The following GPLD1 variants were observed in gnomAD, a reference collection of about 807,000 sequenced individuals.
GPLD1 encodes the protein phosphatidylinositol-glycan-specific phospholipase D.
A neutral mutation model predicts 112.6 loss-of-function variants in GPLD1; 84 were observed. That is an observed-to-expected ratio of 0.75 (90% CI 0.63 to 0.89). GPLD1 has a LOEUF of 0.89. Ranked by LOEUF, GPLD1 falls within the 40% of genes least tolerant of loss-of-function variation. The pLI is 0.00. For missense variants in GPLD1, 1,044 were observed against 1,051.5 expected (o/e 0.99, Z 0.10); for synonymous variants, 386 against 403.8 (o/e 0.96, Z 0.53).
At chr6:24,491,463 C>T (rs1281583886), upstream of GPLD1, among the ~76,000 whole-genome samples, 1 of 152,154 alleles carries the variant, frequency 6.6e-6, no homozygotes, top group Non-Finnish European at 1.5e-5. Context: ...CTTTAGGAGG[C>T]CAAGGCGGGC....
chr6:24,475,061 G>C, intron 5 of GPLD1, 60 bp downstream of exon 5: 1 of 859,022 alleles, frequency 1.2e-6, no homozygotes, highest in Non-Finnish European at 2.0e-6. Flanking sequence ...GTCAGGTTTT[G>C]ATCTTAGGTG....
chr6:24,457,608 C>T (rs997058685), intron 12 of GPLD1, among the ~76,000 whole-genome samples: 15 of 152,002 alleles, frequency 9.9e-5, no homozygotes, highest in African/African-American at 3.6e-4. Context: ...ACCGGCCAGG[C>T]GTGGTGGCTC....
chr6:24,439,482 C>A (rs940008086), intron 20 of GPLD1, among the ~76,000 whole-genome samples: 1 of 152,124 alleles, frequency 6.6e-6, no homozygotes, highest in Non-Finnish European at 1.5e-5. Flanking sequence ...TCAATACTCC[C>A]AAATCTCTAA....
At chr6:24,480,078 G>A in intron 2 of GPLD1, 119 bp from the exon 3 acceptor site, 16 of 634,850 alleles carry the variant, frequency 2.5e-5, no homozygotes, top group Admixed American at 5.1e-5. Flanking sequence ...GGAATGAAAG[G>A]GAAAAAGGAA....
Position 24,440,328 on chromosome 6 carries a change from A to T in GPLD1, c.2021-3039T>A, listed in dbSNP as rs146573900. On this transcript the variant is annotated intron_variant, in intron 20 of 24. Transcript: ENST00000230036. ...TGTGGTGGCATGTGCCTGTAGTCTG[A>T]CCTACTCAAGAGGCTTGAGGCGGCA... Among the ~76,000 whole-genome samples the T allele has an allele frequency of 6.7e-3, 1,017 of 152,148 alleles. 15 individuals are homozygous for T. The highest frequency in any genetic ancestry group is 0.022 in the African/African-American group (914 of 41,540).
chr6:24,426,305 A>G lies in GPLD1; in HGVS notation c.*2727T>C, dbSNP rs903544806. 3.3e-5 allele frequency: 5 copies of G among 152,256 alleles called. No homozygotes were observed. Among genetic ancestry groups the G allele is most frequent in the African/African-American group, 1.2e-4 (5 of 41,466 alleles). 9.4% of individuals were successfully genotyped at this position (152,256 alleles called of 1,614,324 possible). ...TAAAACTATAGTTAATACTTAGTGG[A>G]AAGAAAATTTAATCCATGTATCAGG... On this transcript the variant is annotated 3_prime_UTR_variant, in exon 25 of 25. Transcript: ENST00000230036.
In GPLD1 at chr6:24,480,452, T is replaced by C. The variant is rs995449103; in HGVS notation, c.154-493A>G. Among the ~76,000 whole-genome samples the C allele has an allele frequency of 4.6e-5, 7 of 152,112 alleles. No homozygotes were observed. In the East Asian group the frequency reaches 7.7e-4, roughly 17 times the overall value. ...ATTCTCCTGCCTCAGCCTCCCAATG[T>C]GCTGGGATTACAGGCATGAGCCACC... On this transcript the variant is annotated intron_variant, in intron 2 of 24. Coordinates refer to ENST00000230036, the MANE Select transcript of GPLD1 (RefSeq NM_001503.4).
intron 2 of GPLD1, among the ~76,000 whole-genome samples, chr6:24,485,373 T>C (rs1229585515): frequency 1.3e-5 from 2 of 152,138 alleles, no homozygotes. Context: ...CCCCCATCTC[T>C]ACAATAAAAA....
At chr6:24,468,300 AC>A (rs1763684593) in intron 7 of GPLD1, among the ~76,000 whole-genome samples, 1 of 152,240 alleles carries the variant, frequency 6.6e-6, no homozygotes, top group Admixed American at 6.5e-5. Flanking sequence ...TGGGCAAAGG[AC>A]AGATAGAACT....
intron 10 of GPLD1, among the ~76,000 whole-genome samples, chr6:24,465,003 G>T (rs1251675036): frequency 1.3e-5 from 2 of 151,744 alleles, no homozygotes; most frequent in African/African-American, 2.4e-5. Context: ...GACCAGCCTG[G>T]CCAACCAACA....
At chr6:24,489,098 T>TG (rs1470727310) in intron 1 of GPLD1, among the ~76,000 whole-genome samples, 1 of 152,238 alleles carries the variant, frequency 6.6e-6, no homozygotes, top group Non-Finnish European at 1.5e-5. Context: ...TCTCCCATTC[T>TG]GTCAGTTCTG....
At chr6:24,465,404 C>A (rs1021419955) in intron 10 of GPLD1, among the ~76,000 whole-genome samples, 1 of 150,670 alleles carries the variant, frequency 6.6e-6, no homozygotes, top group Non-Finnish European at 1.5e-5. Context: ...TAGCCTGGTG[C>A]AGTGGTGTGA....
In GPLD1 at chr6:24,475,630, G is replaced by A. The variant is rs377560872; in HGVS notation, c.331-399C>T. ...GAGGCCTATGCAGGTGGATCACGAG[G>A]TCAGGAAATCGAGACCATCCTGGCT... On this transcript the variant is annotated intron_variant, in intron 4 of 24. Transcript: ENST00000230036. 1.1e-3 allele frequency among the ~76,000 whole-genome samples: 166 copies of A among 149,476 alleles called. 2 individuals carry two copies. Among genetic ancestry groups the A allele is most frequent in the Non-Finnish European group, 8.7e-4 (59 of 67,638 alleles).
chr6:24,435,836 A>AAAAAAAAAAAAAAAAAAAAAAAAAAAAAT (rs1427422814), intron 22 of GPLD1: 3 of 146,526 alleles, frequency 2.0e-5, no homozygotes, highest in Non-Finnish European at 3.0e-5. Context: ...AAAAAAAAAA[A>AAAAAAAAAAAAAAAAAAAAAAAAAAAAAT]AAAAAAAAAA....
chr6:24,446,926 A>T lies in GPLD1; in HGVS notation c.1732T>A (p.Ser578Thr), dbSNP rs975419161. 1 of 1,613,854 alleles carries T rather than the reference A, an allele frequency of 6.2e-7. No individual in the cohort carries two copies. The highest frequency in any genetic ancestry group is 8.5e-7 in the Non-Finnish European group (1 of 1,179,942). Residue 578 changes from serine (S) to threonine (T), a missense_variant, in exon 18 of 25, where the codon TCC (serine) becomes ACC (threonine). Physicochemically the swap from Ser to Thr is moderately conservative, Grantham distance 58 (BLOSUM62 1). Transcript: ENST00000230036. ...NWTVRGEEDF[S>T]WFGYSLHGVT... ...CCGTGAAGGGAATATCCAAACCAGGAGAAGTCTTCCTCGCCTCTCACCGTC... is the reference window on the plus strand; with the variant it reads ...CCGTGAAGGGAATATCCAAACCAGGTGAAGTCTTCCTCGCCTCTCACCGTC...
chr6:24,436,428 G>A, intron 22 of GPLD1, 148 bp downstream of exon 22: 1 of 660,462 alleles, frequency 1.5e-6, no homozygotes, highest in Non-Finnish European at 2.6e-6. Context: ...GCAGGCAGCT[G>A]GGGCCCACAA....
chr6:24,474,052 GGAGGCAGAGGTTGCAGT>G (rs1763920801), intron 5 of GPLD1, among the ~76,000 whole-genome samples: 1 of 151,892 alleles, frequency 6.6e-6, no homozygotes. Flanking sequence ...CTTGCACCTG[GGAGGCAGAGGTTGCAGT>G]GAGCCGAGAT....
intron 2 of GPLD1, among the ~76,000 whole-genome samples, chr6:24,481,328 T>G (rs1456438686): frequency 2.0e-5 from 3 of 150,146 alleles, no homozygotes; most frequent in East Asian, 1.9e-4. Context: ...AGTAAAAGTT[T>G]GGCAATATCC....
chr6:24,429,223 A>C, intron 24 of GPLD1, 105 bp from the exon 25 acceptor site: 3 of 628,686 alleles, frequency 4.8e-6, no homozygotes, highest in Non-Finnish European at 8.1e-6. Flanking sequence ...AAGATGAATA[A>C]GACACTGGCC....
Sources: gnomAD v4.1 joint callset for allele counts (sites outside exome capture counted in the v4.1 genomes callset) on GRCh38, gnomAD v4.1.1 for gene constraint, MANE v1.5 for transcripts, NCBI Gene and HGNC (gene_info 2026-07-23, HGNC 2026-07-21) for gene names.